The following CTNNA2 variants were observed in gnomAD, a reference collection of about 807,000 sequenced individuals.
CTNNA2 encodes the protein catenin alpha 2, also known as catenin alpha-2.
A neutral mutation model predicts 101.0 loss-of-function variants in CTNNA2; 42 were observed. The observed-to-expected ratio is 0.42, with a 90% CI of 0.32 to 0.54. The LOEUF is 0.54. Ranked by LOEUF, CTNNA2 falls within the 20% of genes least tolerant of loss-of-function variation. The probability of loss-of-function intolerance (pLI) is 0.14; values close to 1 mark genes in which losing one functional copy is unlikely to be tolerated. For synonymous variants in CTNNA2, 450 were observed against 456.4 expected (o/e 0.99, Z 0.18); for missense variants, 871 against 1,223.1 (o/e 0.71, Z 4.29).
At chr2:80,202,193 A>T (rs1707252217) in intron 7 of CTNNA2, among the ~76,000 whole-genome samples, 1 of 152,170 alleles carries the variant, frequency 6.6e-6, no homozygotes. Flanking sequence ...TTTTCCTATT[A>T]CTAAACCTGT....
chr2:79,316,430 C>T lies in CTNNA2; in HGVS notation c.-318+3634C>T, dbSNP rs1676499146. 2.0e-5 allele frequency among the ~76,000 whole-genome samples: 3 copies of T among 152,102 alleles called. No homozygotes were observed. The South Asian group carries it at 6.2e-4, about 32-fold the overall frequency. ...CTATTCTGACATCCCAGCATTTCCA[C>T]ATGAATTTTAGGATTTTCTTGTCAA... is the stretch of plus-strand genomic sequence containing the variant. On this transcript the variant is annotated intron_variant, in intron 3 of 21. Transcript: ENST00000466387.
intron 7 of CTNNA2, among the ~76,000 whole-genome samples, chr2:80,004,094 A>G (rs1482996390): frequency 6.6e-6 from 1 of 152,162 alleles, no homozygotes; most frequent in Admixed American, 6.5e-5. Context: ...AATAGAGGCT[A>G]AAATTTTTTT....
intron 2 of CTNNA2, among the ~76,000 whole-genome samples, chr2:79,311,559 G>A (rs1456886744): frequency 1.3e-5 from 2 of 149,842 alleles, no homozygotes; most frequent in African/African-American, 2.5e-5. Context: ...AAGATAGTGC[G>A]TCCCCCGGTG....
intron 1 of CTNNA2, among the ~76,000 whole-genome samples, chr2:79,622,683 G>C (rs1229774423): frequency 6.6e-6 from 1 of 152,158 alleles, no homozygotes; most frequent in Non-Finnish European, 1.5e-5. Flanking sequence ...TGGTTCATGA[G>C]GGTGACTCAG....
At chr2:79,326,657 A>G (rs1676754575) in intron 3 of CTNNA2, among the ~76,000 whole-genome samples, 1 of 152,222 alleles carries the variant, frequency 6.6e-6, no homozygotes, top group Non-Finnish European at 1.5e-5. Flanking sequence ...AGTGACTCTC[A>G]CATAGATCTC....
At chr2:79,583,300 T>C (rs757169990) in intron 1 of CTNNA2, among the ~76,000 whole-genome samples, 4 of 151,802 alleles carry the variant, frequency 2.6e-5, no homozygotes, top group Admixed American at 6.6e-5. Flanking sequence ...TATAAAAAAG[T>C]TTATACAGAA....
chr2:80,645,495 A>T (rs1324594394), intron 18 of CTNNA2, among the ~76,000 whole-genome samples: 1 of 152,176 alleles, frequency 6.6e-6, no homozygotes, highest in Non-Finnish European at 1.5e-5. Flanking sequence ...GGTTTCATTA[A>T]TCCAGTGGTT....
chr2:80,336,005 A>G (rs1562775), intron 7 of CTNNA2, among the ~76,000 whole-genome samples: 11,481 of 152,244 alleles, frequency 0.075, 439 homozygotes, highest in Non-Finnish European at 0.089. Flanking sequence ...TTTTATTATG[A>G]AAACTTTTTA....
intron 6 of CTNNA2, among the ~76,000 whole-genome samples, chr2:79,899,733 C>G (rs541044827): frequency 1.3e-5 from 2 of 152,048 alleles, no homozygotes; most frequent in Non-Finnish European, 2.9e-5. Context: ...TATATGCCTG[C>G]GAAGCAAAAG....
intron 3 of CTNNA2, among the ~76,000 whole-genome samples, chr2:79,360,753 C>T (rs1167137783): frequency 6.6e-6 from 1 of 152,082 alleles, no homozygotes; most frequent in Admixed American, 6.6e-5. Flanking sequence ...AAGATGTATC[C>T]ATCATCCTGA....
chr2:79,313,072 C>T (rs55785428), intron 3 of CTNNA2, among the ~76,000 whole-genome samples: 10,286 of 152,272 alleles, frequency 0.068, 465 homozygotes, highest in East Asian at 0.13. Flanking sequence ...GAGAAAGAAT[C>T]ACTTCAATGA....
chr2:80,119,647 C>G (rs1218866251), intron 7 of CTNNA2, among the ~76,000 whole-genome samples: 1 of 152,182 alleles, frequency 6.6e-6, no homozygotes, highest in Non-Finnish European at 1.5e-5. Context: ...GTATTTACTT[C>G]TATCGAGGCT....
In CTNNA2 at chr2:80,353,550, T is replaced by G. The variant is rs574902118; in HGVS notation, c.1057-39661T>G. ...ACACAAAGATCACATATCCCTTAAT[T>G]GAGGCTCTTTACTCCTTTATGCCAC... On this transcript the variant is annotated intron_variant, in intron 7 of 18. Coordinates refer to ENST00000402739, the MANE Select transcript of CTNNA2 (RefSeq NM_001282597.3). 1.5e-4 allele frequency among the ~76,000 whole-genome samples: 23 copies of G among 152,286 alleles called. No homozygotes were observed. The South Asian group carries it at 4.8e-3, about 32-fold the overall frequency.
intron 3 of CTNNA2, among the ~76,000 whole-genome samples, chr2:79,811,041 C>A (rs1170804008): frequency 3.3e-5 from 5 of 150,708 alleles, no homozygotes; most frequent in African/African-American, 1.2e-4. Flanking sequence ...GGGTATATAC[C>A]CAGTAATGGG....
At chr2:80,471,557 A>T (rs1283345444) in intron 9 of CTNNA2, among the ~76,000 whole-genome samples, 2 of 152,202 alleles carry the variant, frequency 1.3e-5, no homozygotes, top group Admixed American at 6.5e-5. Context: ...TGAGGAAGGA[A>T]CCAAGAAGAG....
intron 16 of CTNNA2, among the ~76,000 whole-genome samples, chr2:80,607,392 G>A (rs1355087346): frequency 6.6e-6 from 1 of 151,836 alleles, no homozygotes; most frequent in Non-Finnish European, 1.5e-5. Context: ...AATGTTTTCA[G>A]GAGTCATGTC....
chr2:80,477,851 A>C (rs947615265), intron 9 of CTNNA2, among the ~76,000 whole-genome samples: 3 of 152,074 alleles, frequency 2.0e-5, no homozygotes, highest in Admixed American at 1.3e-4. Flanking sequence ...TGTGATAAAC[A>C]TACACATGCA....
chr2:80,583,885 A>G (rs2149723260), intron 14 of CTNNA2, among the ~76,000 whole-genome samples: 1 of 152,270 alleles, frequency 6.6e-6, no homozygotes. Context: ...CATGAATTAT[A>G]AACAGGGTCC....
At chr2:79,894,291 C>T (rs1156632735) in intron 6 of CTNNA2, among the ~76,000 whole-genome samples, 2 of 151,982 alleles carry the variant, frequency 1.3e-5, no homozygotes, top group African/African-American at 2.4e-5. Context: ...TATTTTTTGC[C>T]TGGATCATTG....
Sources: gnomAD v4.1 joint callset for allele counts (sites outside exome capture counted in the v4.1 genomes callset) on GRCh38, gnomAD v4.1.1 for gene constraint, MANE v1.5 for transcripts, NCBI Gene and HGNC (gene_info 2026-07-23, HGNC 2026-07-21) for gene names.